The following ELMO1 variants were observed in gnomAD, a reference collection of about 807,000 sequenced individuals.
The protein encoded by ELMO1 is engulfment and cell motility protein 1.
Under a neutral mutation model 98.9 loss-of-function variants are expected in ELMO1, and 26 were observed. The ratio of observed to expected loss-of-function variants is 0.26; its 90% CI spans 0.19 to 0.36. ELMO1 has a LOEUF of 0.36. Ranked by LOEUF, ELMO1 falls within the 10% of genes least tolerant of loss-of-function variation. ELMO1 has a pLI of 1.00. For synonymous variants in ELMO1, 346 were observed against 346.0 expected (o/e 1.00, Z 0.00); for missense variants, 627 against 935.2 (o/e 0.67, Z 4.30).
At chr7:37,316,471 C>T (rs574906915) in intron 2 of ELMO1, among the ~76,000 whole-genome samples, 13 of 152,194 alleles carry the variant, frequency 8.5e-5, no homozygotes, top group Admixed American at 7.2e-4. Context: ...TGATGATGGC[C>T]CCAATAAATG....
chr7:36,859,805 TGGGTTTTAAC>T (rs1802473123), intron 21 of ELMO1, among the ~76,000 whole-genome samples: 1 of 152,278 alleles, frequency 6.6e-6, no homozygotes, highest in South Asian at 2.1e-4. Context: ...TTGAACAACA[TGGGTTTTAAC>T]TGTGTGGGTC....
chr7:37,082,645 C>T lies in ELMO1; in HGVS notation c.1300+13974G>A, dbSNP rs554675016. 9.9e-5 allele frequency among the ~76,000 whole-genome samples: 15 copies of T among 152,206 alleles called. No homozygotes were observed. The South Asian group carries it at 3.1e-3, about 32-fold the overall frequency. On this transcript the variant is annotated intron_variant, in intron 15 of 21. Transcript: ENST00000310758. ...ACTTGGGAGGCTGATATGGGAGGATCACTTGAACCTGGGAAGCAGAGGTTG... is the reference window on the plus strand; with the variant it reads ...ACTTGGGAGGCTGATATGGGAGGATTACTTGAACCTGGGAAGCAGAGGTTG...
intron 4 of ELMO1, among the ~76,000 whole-genome samples, chr7:37,274,755 A>G (rs1177978889): frequency 1.3e-5 from 2 of 152,000 alleles, no homozygotes; most frequent in South Asian, 2.1e-4. Flanking sequence ...GTTTCACCAT[A>G]TTGGCCAGGC....
chr7:37,053,674 T>C (rs894541754), intron 15 of ELMO1, among the ~76,000 whole-genome samples: 2 of 152,208 alleles, frequency 1.3e-5, no homozygotes, highest in Non-Finnish European at 2.9e-5. Context: ...TTTTTGTGAG[T>C]GTAGCCGGAT....
At chr7:37,294,712 A>G (rs1797942802) in intron 4 of ELMO1, among the ~76,000 whole-genome samples, 1 of 152,238 alleles carries the variant, frequency 6.6e-6, no homozygotes, top group Admixed American at 6.5e-5. Context: ...TCATAAATTC[A>G]TCTCAGGCCA....
At chr7:37,159,067 C>T (rs2129327191) in intron 13 of ELMO1, among the ~76,000 whole-genome samples, 1 of 152,300 alleles carries the variant, frequency 6.6e-6, no homozygotes, top group African/African-American at 2.4e-5. Flanking sequence ...GAAAACCTAA[C>T]ACCACATGTT....
intron 13 of ELMO1, among the ~76,000 whole-genome samples, chr7:37,190,121 T>C (rs1219278602): frequency 6.6e-6 from 1 of 152,018 alleles, no homozygotes; most frequent in Admixed American, 6.5e-5. Context: ...AAAGGCTCTT[T>C]ATCAGTAGGT....
At chr7:37,395,620 G>A (rs1882074) in intron 1 of ELMO1, among the ~76,000 whole-genome samples, 133,455 of 152,232 alleles carry the variant, frequency 0.88, 58,582 homozygotes, top group East Asian at 0.96. Context: ...CTGAACTTAG[G>A]AACTGTACAT....
intron 13 of ELMO1, among the ~76,000 whole-genome samples, chr7:37,139,827 C>T (rs182907594): frequency 9.2e-5 from 14 of 152,066 alleles, no homozygotes; most frequent in East Asian, 1.9e-4. Flanking sequence ...TACTATAAGG[C>T]GACAGTCATC....
chr7:37,173,996 T>C (rs1790352894), intron 13 of ELMO1, among the ~76,000 whole-genome samples: 1 of 152,252 alleles, frequency 6.6e-6, no homozygotes, highest in Non-Finnish European at 1.5e-5. Context: ...ACCTTAGTGA[T>C]TATCTGAAGA....
At chr7:37,347,789 A>T (rs1583601299) in intron 1 of ELMO1, among the ~76,000 whole-genome samples, 1 of 152,180 alleles carries the variant, frequency 6.6e-6, no homozygotes, top group Non-Finnish European at 1.5e-5. Flanking sequence ...CTCTAGGCAG[A>T]TTACCGATGA....
chr7:37,221,957 C>A (rs1793620946), intron 10 of ELMO1, among the ~76,000 whole-genome samples: 1 of 152,158 alleles, frequency 6.6e-6, no homozygotes, highest in Non-Finnish European at 1.5e-5. Context: ...CTTGGCTTCC[C>A]AAAGGGCTGG....
At chr7:37,062,744 ATTAATCCCACTTAG>A (rs1433839111) in intron 15 of ELMO1, among the ~76,000 whole-genome samples, 6 of 152,198 alleles carry the variant, frequency 3.9e-5, no homozygotes, top group Admixed American at 3.3e-4. Context: ...AGTTATGAAA[ATTAATCCCACTTAG>A]AACATGAGGA....
chr7:37,148,465 C>T (rs895604789), intron 13 of ELMO1, among the ~76,000 whole-genome samples: 1 of 152,100 alleles, frequency 6.6e-6, no homozygotes, highest in African/African-American at 2.4e-5. Flanking sequence ...TTGACTCTCG[C>T]CACTTCATTA....
intron 4 of ELMO1, among the ~76,000 whole-genome samples, chr7:37,313,731 A>C (rs1255806502): frequency 6.6e-6 from 1 of 152,134 alleles, no homozygotes; most frequent in African/African-American, 2.4e-5. Flanking sequence ...AAGGGGAAGT[A>C]GAACCCTTGT....
intron 4 of ELMO1, among the ~76,000 whole-genome samples, chr7:37,284,128 G>A (rs1433019893): frequency 6.6e-6 from 1 of 152,170 alleles, no homozygotes; most frequent in East Asian, 1.9e-4. Flanking sequence ...GTATCTGGGA[G>A]AAGCAGAGGA....
rs150870959 is a variant in ELMO1, at chr7:37,053,684, T to C, written c.1301-40249A>G. On this transcript the variant is annotated intron_variant, in intron 15 of 21. Transcript: ENST00000310758. ...CTATATTTTTGTGAGTGTAGCCGGA[T>C]ACTGCACTGGTTTTACTTAGCAGTC... Among the ~76,000 whole-genome samples the C allele has an allele frequency of 3.3e-5, 5 of 152,350 alleles. No homozygotes were observed. The East Asian group carries it at 9.6e-4, about 29-fold the overall frequency.
At chr7:37,286,380 C>T (rs1006477926) in intron 4 of ELMO1, among the ~76,000 whole-genome samples, 5 of 152,220 alleles carry the variant, frequency 3.3e-5, no homozygotes, top group African/African-American at 1.2e-4. Flanking sequence ...GCTTTGTCAC[C>T]TGGGAATTTG....
chr7:37,108,132 G>A (rs566506852), intron 14 of ELMO1, among the ~76,000 whole-genome samples: 16 of 152,290 alleles, frequency 1.1e-4, no homozygotes, highest in Non-Finnish European at 2.4e-4. Flanking sequence ...AAAAAAGCAT[G>A]TGAAAAGGAA....
Sources: allele counts gnomAD v4.1 joint callset (sites outside exome capture counted in the v4.1 genomes callset), GRCh38; gene constraint gnomAD v4.1.1; transcripts MANE v1.5; gene names NCBI Gene and HGNC (gene_info 2026-07-23, HGNC 2026-07-21).